RBFOX1: variants seen among roughly 807,000 people sequenced by gnomAD.
RBFOX1 encodes RNA binding protein fox-1 homolog 1.
In RBFOX1, 8 loss-of-function variants were observed where a neutral mutation model predicts 57.7. The ratio of observed to expected loss-of-function variants is 0.14; its 90% confidence interval spans 0.08 to 0.25. RBFOX1 has a LOEUF of 0.25. Among genes scored for constraint, RBFOX1 ranks in the 10% least tolerant of loss-of-function variants. RBFOX1 has a pLI of 1.00. For missense variants in RBFOX1, 611 were observed against 548.5 expected (o/e 1.11, Z -1.14); for synonymous variants, 326 against 222.4 (o/e 1.47, Z -4.15).
intron 3 of RBFOX1, among the ~76,000 whole-genome samples, chr16:5,717,369 C>G (rs926249301): frequency 6.6e-6 from 1 of 151,962 alleles, no homozygotes; most frequent in East Asian, 1.9e-4. Flanking sequence ...TGTTTACTTT[C>G]AATAGTTTTG....
chr16:6,923,775 A>G (rs937772042), intron 3 of RBFOX1, among the ~76,000 whole-genome samples: 20 of 152,164 alleles, frequency 1.3e-4, no homozygotes, highest in African/African-American at 3.4e-4. Context: ...TAGTTAGTCT[A>G]TTTTGGAGTC....
In RBFOX1 at chr16:5,241,515, G is replaced by C. The variant is rs2062166714; in HGVS notation, c.219+1410G>C. On this transcript the variant is annotated intron_variant, in intron 1 of 2. Transcript: ENST00000585867. ...GTGTAGTGGGACCTAGGGAACGTGA[G>C]TGTGGAGCCAGGCAGCTGGGGTTTG... is the stretch of plus-strand genomic sequence containing the variant. Among the ~76,000 whole-genome samples, 3 of 152,232 alleles carry C rather than the reference G, an allele frequency of 2.0e-5. No individual in the cohort carries two copies. In the South Asian group the frequency reaches 6.2e-4, roughly 31 times the overall value.
chr16:6,669,550 T>C (rs1185850507), intron 3 of RBFOX1, among the ~76,000 whole-genome samples: 1 of 152,202 alleles, frequency 6.6e-6, no homozygotes, highest in Non-Finnish European at 1.5e-5. Flanking sequence ...GCTTGACGTT[T>C]TGATTTTCAT....
At chr16:5,577,954 G>A (rs2046524192) in intron 2 of RBFOX1, among the ~76,000 whole-genome samples, 1 of 111,284 alleles carries the variant, frequency 9.0e-6, no homozygotes, top group Non-Finnish European at 1.8e-5. Flanking sequence ...AGATTCTGGG[G>A]TTTGAGGATT....
At chr16:5,868,951 C>G (rs1031840248) in intron 4 of RBFOX1, among the ~76,000 whole-genome samples, 5 of 152,034 alleles carry the variant, frequency 3.3e-5, no homozygotes, top group African/African-American at 7.3e-5. Flanking sequence ...TTGCACTGCA[C>G]GCATCGTTAT....
intron 3 of RBFOX1, among the ~76,000 whole-genome samples, chr16:5,863,148 A>C (rs989281534): frequency 3.9e-5 from 6 of 152,160 alleles, no homozygotes; most frequent in Non-Finnish European, 8.8e-5. Flanking sequence ...AAAAGGAATC[A>C]CGTCCACTGA....
At chr16:6,843,661 C>G (rs1369769015) in intron 3 of RBFOX1, among the ~76,000 whole-genome samples, 1 of 152,140 alleles carries the variant, frequency 6.6e-6, no homozygotes, top group Non-Finnish European at 1.5e-5. Context: ...CGCACTCCAG[C>G]CTGGGTGACA....
At chr16:5,737,596 C>G (rs1469822313) in intron 3 of RBFOX1, among the ~76,000 whole-genome samples, 2 of 146,368 alleles carry the variant, frequency 1.4e-5, no homozygotes, top group Non-Finnish European at 3.0e-5. Flanking sequence ...GTGGCTAACT[C>G]TTTATCCTGC....
intron 4 of RBFOX1, among the ~76,000 whole-genome samples, chr16:7,145,671 G>C (rs978740970): frequency 6.6e-6 from 1 of 152,060 alleles, no homozygotes; most frequent in South Asian, 2.1e-4. Context: ...GCTGAATTCT[G>C]TTTCATTTAG....
intron 2 of RBFOX1, among the ~76,000 whole-genome samples, chr16:5,591,252 C>CTT (rs35415642): frequency 4.0e-4 from 56 of 141,582 alleles, no homozygotes; most frequent in African/African-American, 1.1e-3. Context: ...CAAAATGAAC[C>CTT]TTTTTTTTTT....
chr16:6,681,795 G>T (rs902484033), intron 3 of RBFOX1, among the ~76,000 whole-genome samples: 1 of 152,170 alleles, frequency 6.6e-6, no homozygotes, highest in African/African-American at 2.4e-5. Context: ...CTGTAATGTG[G>T]AGATAATAGC....
At chr16:6,555,482 G>A (rs544074719) in intron 2 of RBFOX1, among the ~76,000 whole-genome samples, 1 of 152,142 alleles carries the variant, frequency 6.6e-6, no homozygotes, top group Non-Finnish European at 1.5e-5. Flanking sequence ...GGCGGATCAC[G>A]AGGTCAGGAG....
At chr16:5,278,835 A>G (rs2063203165) in intron 1 of RBFOX1, among the ~76,000 whole-genome samples, 2 of 152,166 alleles carry the variant, frequency 1.3e-5, no homozygotes, top group African/African-American at 4.8e-5. Flanking sequence ...GCACCATTTA[A>G]TGAAGAGGGT....
intron 1 of RBFOX1, among the ~76,000 whole-genome samples, chr16:5,460,466 C>A (rs563099815): frequency 7.9e-4 from 120 of 152,254 alleles, no homozygotes; most frequent in Non-Finnish European, 1.5e-3. Flanking sequence ...AAAAGAGGGG[C>A]ACATCACATA....
At chr16:6,906,766 A>G (rs1333385449) in intron 3 of RBFOX1, among the ~76,000 whole-genome samples, 3 of 147,270 alleles carry the variant, frequency 2.0e-5, no homozygotes, top group Non-Finnish European at 3.0e-5. Flanking sequence ...TCTGTTGCTG[A>G]GGCTGGAGTA....
intron 6 of RBFOX1, among the ~76,000 whole-genome samples, chr16:7,584,597 CT>C (rs1251275153): frequency 6.6e-6 from 1 of 152,184 alleles, no homozygotes; most frequent in African/African-American, 2.4e-5. Flanking sequence ...GGCCTGGATC[CT>C]GCTCTTGATA....
intron 4 of RBFOX1, among the ~76,000 whole-genome samples, chr16:7,314,748 G>C (rs1316001596): frequency 6.6e-6 from 1 of 152,110 alleles, no homozygotes; most frequent in African/African-American, 2.4e-5. Context: ...CAGGGGAGAG[G>C]GCGAGTTGAC....
At chr16:7,372,968 G>T (rs551479243) in intron 4 of RBFOX1, among the ~76,000 whole-genome samples, 7 of 148,892 alleles carry the variant, frequency 4.7e-5, no homozygotes, top group South Asian at 4.2e-4. Context: ...GTCTTGCTCT[G>T]TTGCCCAGGC....
chr16:6,481,758 T>C (rs1364899174), intron 2 of RBFOX1, among the ~76,000 whole-genome samples: 1 of 152,168 alleles, frequency 6.6e-6, no homozygotes, highest in African/African-American at 2.4e-5. Flanking sequence ...ATCATTATTG[T>C]GAAATAAGGT....
Sources: allele counts gnomAD v4.1 joint callset (sites outside exome capture counted in the v4.1 genomes callset), GRCh38; gene constraint gnomAD v4.1.1; transcripts MANE v1.5; gene names NCBI Gene and HGNC (gene_info 2026-07-23, HGNC 2026-07-21).